Variants in GPR141 observed in about 807,000 individuals in gnomAD.
GPR141 encodes probable G protein-coupled receptor 141.
Under a neutral mutation model 6.8 loss-of-function variants are expected in GPR141, and 6 were observed. The observed-to-expected ratio is 0.88, with a 90% CI of 0.48 to 1.74. GPR141 has a LOEUF of 1.74. GPR141 is among the 40% of genes most tolerant of loss of function. The pLI is 0.01. For missense variants in GPR141, 372 were observed against 372.9 expected (o/e 1.00, Z 0.02); for synonymous variants, 140 against 142.3 (o/e 0.98, Z 0.11).
At chr7:37,685,952 G>A (rs977206704) in intron 2 of GPR141, among the ~76,000 whole-genome samples, 3 of 151,920 alleles carry the variant, frequency 2.0e-5, no homozygotes. Flanking sequence ...AAGAGACGTA[G>A]CATGTTGTGA....
intron 2 of GPR141, among the ~76,000 whole-genome samples, chr7:37,700,977 G>T (rs1323818721): frequency 1.3e-5 from 2 of 152,156 alleles, no homozygotes; most frequent in African/African-American, 2.4e-5. Flanking sequence ...GAGCGTGGAT[G>T]CTTTATTCTT....
At chr7:37,731,444 C>G (rs1811927529) in intron 2 of GPR141, among the ~76,000 whole-genome samples, 1 of 152,154 alleles carries the variant, frequency 6.6e-6, no homozygotes, top group Non-Finnish European at 1.5e-5. Flanking sequence ...TCCCATCAAT[C>G]TCTAGAATAG....
At chr7:37,731,207 T>A (rs574350229) in intron 2 of GPR141, among the ~76,000 whole-genome samples, 82 of 152,300 alleles carry the variant, frequency 5.4e-4, no homozygotes, top group African/African-American at 1.9e-3. Flanking sequence ...ACTGATAAAA[T>A]CATGTTATTG....
At chr7:37,717,184 C>T (rs542846653) in intron 2 of GPR141, among the ~76,000 whole-genome samples, 1 of 152,274 alleles carries the variant, frequency 6.6e-6, no homozygotes, top group South Asian at 2.1e-4. Context: ...ACATAATAGA[C>T]ACTATGAGGG....
At chr7:37,714,890 A>G in intron 2 of GPR141, among the ~76,000 whole-genome samples, 1 of 152,098 alleles carries the variant, frequency 6.6e-6, no homozygotes, top group East Asian at 1.9e-4. Context: ...GTTTCAAAAA[A>G]CCCTATGAGT....
intron 2 of GPR141, among the ~76,000 whole-genome samples, chr7:37,729,572 C>T (rs1392356556): frequency 6.6e-6 from 1 of 152,042 alleles, no homozygotes; most frequent in Non-Finnish European, 1.5e-5. Flanking sequence ...AAAACAAGTC[C>T]ACAAATGACT....
intron 2 of GPR141, among the ~76,000 whole-genome samples, chr7:37,702,380 C>T (rs1032122674): frequency 1.3e-5 from 2 of 151,738 alleles, no homozygotes; most frequent in African/African-American, 4.8e-5. Context: ...TTCCTTTCCT[C>T]CTTCCTTCAT....
chr7:37,740,582 C>A lies in GPR141; in HGVS notation c.189C>A (p.Ser63Arg). ...MAVINLVVVH[S>R]VFLLTVPFRL... ...TCATTAACTTGGTGGTGGTCCACAG[C>A]GTTTTTCTGCTGACAGTGCCATTTC... Residue 63 changes from serine to arginine, a missense_variant, in exon 3 of 3, where the codon AGC becomes AGA. By Grantham distance (110) the Ser-to-Arg change is moderately radical. Transcript: ENST00000334425. 6.2e-7 allele frequency: 1 copy of A among 1,614,060 alleles called. No individual in the cohort carries two copies. Among genetic ancestry groups the A allele is most frequent in the Non-Finnish European group, 8.5e-7 (1 of 1,179,976 alleles).
rs1812572748 is a variant in GPR141 at position 37,741,657 on chromosome 7, T to C, written c.*346T>C. On this transcript the variant is annotated 3_prime_UTR_variant, in exon 3 of 3. Transcript: ENST00000334425. ...TTCCTCTGTTTGAAGCATGGTCTCT[T>C]AGGTTTTGGACTGAACTCAGACCTT... Among the ~76,000 whole-genome samples the C allele has an allele frequency of 6.6e-6, 1 of 152,214 alleles. No homozygotes were observed. The highest frequency in any genetic ancestry group is 2.4e-5 in the African/African-American group (1 of 41,464).
chr7:37,693,296 A>G (rs1206214478), intron 2 of GPR141, among the ~76,000 whole-genome samples: 2 of 152,320 alleles, frequency 1.3e-5, no homozygotes, highest in East Asian at 1.9e-4. Context: ...TAGGTTTGTC[A>G]AAGATCAGAT....
At chr7:37,732,725 T>C (rs1308855392) in intron 2 of GPR141, among the ~76,000 whole-genome samples, 1 of 151,724 alleles carries the variant, frequency 6.6e-6, no homozygotes, top group African/African-American at 2.4e-5. Context: ...CACCAAGGAG[T>C]CTCAGTAATA....
At chr7:37,692,684 C>T (rs1455753476) in intron 2 of GPR141, among the ~76,000 whole-genome samples, 1 of 152,164 alleles carries the variant, frequency 6.6e-6, no homozygotes, top group Admixed American at 6.5e-5. Context: ...TTTAATGATA[C>T]TATTCTAACT....
intron 2 of GPR141, among the ~76,000 whole-genome samples, chr7:37,721,742 G>C (rs540104686): frequency 6.6e-6 from 1 of 152,302 alleles, no homozygotes; most frequent in East Asian, 1.9e-4. Context: ...CTCTGTTTGG[G>C]TGTAAAGTGG....
chr7:37,710,472 A>G (rs941613021), intron 2 of GPR141, among the ~76,000 whole-genome samples: 5 of 152,214 alleles, frequency 3.3e-5, no homozygotes, highest in Admixed American at 3.3e-4. Context: ...ATATCTCTAC[A>G]AGATGGTTTT....
At chr7:37,710,954 T>C (rs1411105876) in intron 2 of GPR141, among the ~76,000 whole-genome samples, 5 of 152,230 alleles carry the variant, frequency 3.3e-5, no homozygotes, top group Admixed American at 2.6e-4. Context: ...TGACTTACCA[T>C]GTGACCTGGC....
chr7:37,727,323 G>GT (rs1341555864), intron 2 of GPR141, among the ~76,000 whole-genome samples: 1 of 152,018 alleles, frequency 6.6e-6, no homozygotes, highest in Admixed American at 6.6e-5. Context: ...TGTTCTTGGG[G>GT]TTTTTTAGCT....
At chr7:37,714,723 C>T (rs1234741252) in intron 2 of GPR141, among the ~76,000 whole-genome samples, 2 of 152,116 alleles carry the variant, frequency 1.3e-5, no homozygotes, top group Admixed American at 1.3e-4. Context: ...AGATATGGTC[C>T]AAAAACATGT....
intron 2 of GPR141, among the ~76,000 whole-genome samples, chr7:37,720,250 C>T (rs1342691623): frequency 1.3e-5 from 2 of 152,154 alleles, no homozygotes; most frequent in African/African-American, 4.8e-5. Context: ...CCCAGGCACT[C>T]ATCCTGGGTT....
intron 2 of GPR141, among the ~76,000 whole-genome samples, chr7:37,739,579 T>A (rs964255503): frequency 4.6e-5 from 7 of 152,176 alleles, no homozygotes; most frequent in African/African-American, 1.7e-4. Flanking sequence ...AAAAGATTAC[T>A]AAATCTTTTA....
Sources: gnomAD v4.1 joint callset for allele counts (sites outside exome capture counted in the v4.1 genomes callset) on GRCh38, gnomAD v4.1.1 for gene constraint, MANE v1.5 for transcripts, NCBI Gene and HGNC (gene_info 2026-07-23, HGNC 2026-07-21) for gene names.